DSCAML1: variants seen among roughly 807,000 people sequenced by gnomAD.
DSCAML1 encodes the protein DS cell adhesion molecule like 1.
DSCAML1 carries 38 observed loss-of-function variants against 200.5 expected under a neutral mutation model. That is an observed-to-expected ratio of 0.19 (90% confidence interval 0.15 to 0.25). DSCAML1 has a LOEUF of 0.25. Among genes scored for constraint, DSCAML1 ranks in the 10% least tolerant of loss-of-function variants. DSCAML1 has a pLI of 1.00. For synonymous variants in DSCAML1, 1,215 were observed against 1,165.0 expected, an observed-to-expected ratio of 1.04 and a Z score of -0.87; for missense variants, 2,223 against 2,858.8, an observed-to-expected ratio of 0.78 and a Z score of 5.07.
chr11:117,758,487 T>C (rs111398188), intron 3 of DSCAML1, among the ~76,000 whole-genome samples: 8,083 of 151,592 alleles, frequency 0.053, 265 homozygotes, highest in Non-Finnish European at 0.069. Context: ...CTGCAAGCTC[T>C]GCCTCCCGGG....
chr11:117,451,331 C>T (rs2048278540), intron 19 of DSCAML1, among the ~76,000 whole-genome samples: 1 of 152,184 alleles, frequency 6.6e-6, no homozygotes, highest in South Asian at 2.1e-4. Context: ...TGGAAGCTTC[C>T]TGCTCTCAGC....
Position 117,468,348 on chromosome 11 carries a change from A to T in DSCAML1, c.3024+1562T>A, listed in dbSNP as rs551133911. ...TGAGAAGTCAGCCCAAAATTTATTG[A>T]CCACCTGGTTCATTCTGAAGTTCTA... On this transcript the variant is annotated intron_variant, in intron 16 of 32. Transcript: ENST00000651296. 8.5e-5 allele frequency among the ~76,000 whole-genome samples: 13 copies of T among 152,162 alleles called. No individual in the cohort carries two copies. The East Asian group carries it at 2.5e-3, about 29-fold the overall frequency.
At chr11:117,581,271 G>A (rs1188988988) in intron 3 of DSCAML1, among the ~76,000 whole-genome samples, 4 of 152,152 alleles carry the variant, frequency 2.6e-5, no homozygotes, top group African/African-American at 9.7e-5. Context: ...ATGCATTAAG[G>A]CTTTTACATG....
intron 1 of DSCAML1, among the ~76,000 whole-genome samples, chr11:117,796,312 G>T (rs557984874): frequency 4.5e-4 from 68 of 152,358 alleles, no homozygotes; most frequent in South Asian, 1.2e-3. Flanking sequence ...CTGGCCAGGC[G>T]CGGAAGCGGA....
chr11:117,603,042 G>T (rs1306518113), intron 3 of DSCAML1, among the ~76,000 whole-genome samples: 2 of 152,170 alleles, frequency 1.3e-5, no homozygotes, highest in Non-Finnish European at 1.5e-5. Flanking sequence ...GTTGCAGTGA[G>T]CCATGATTGC....
intron 1 of DSCAML1, among the ~76,000 whole-genome samples, chr11:117,804,886 G>A (rs1254333585): frequency 6.6e-6 from 1 of 152,092 alleles, no homozygotes; most frequent in Non-Finnish European, 1.5e-5. Flanking sequence ...AGCTGTGATT[G>A]TACCACTGTG....
chr11:117,476,598 A>G (rs2048797811), intron 14 of DSCAML1, among the ~76,000 whole-genome samples: 1 of 152,192 alleles, frequency 6.6e-6, no homozygotes, highest in Non-Finnish European at 1.5e-5. Context: ...ATCCTCAAAG[A>G]ACCCATCCTT....
At chr11:117,509,611 T>G (rs866845805) in intron 8 of DSCAML1, among the ~76,000 whole-genome samples, 11 of 152,308 alleles carry the variant, frequency 7.2e-5, no homozygotes, top group African/African-American at 2.6e-4. Flanking sequence ...CCAGGGATCA[T>G]GGCTCCTCCA....
intron 3 of DSCAML1, among the ~76,000 whole-genome samples, chr11:117,750,242 C>T (rs74441507): frequency 0.012 from 1,865 of 152,336 alleles, 36 homozygotes; most frequent in African/African-American, 0.04. Flanking sequence ...AGCCTGCACG[C>T]TGCACACCCT....
rs61905269 is a variant in DSCAML1, at chr11:117,438,865, G to A, written c.4243+20C>T. 0.14 allele frequency: 217,308 copies of A among 1,529,344 alleles called. 16,999 individuals are homozygous for A. The highest frequency in any genetic ancestry group is 0.16 in the Non-Finnish European group (183,190 of 1,145,564). The allele number at this position is 1,529,344 out of a possible 1,614,324, so 94.7% of individuals were successfully genotyped here. ...AGAATTCCTTCCCCTATCTTCCCCC[G>A]CATCCAGACCCCTCCTCACCTCGGA... is the stretch of plus-strand genomic sequence containing the variant. On this transcript the variant is annotated intron_variant, in intron 24 of 32. Coordinates refer to ENST00000651296, the MANE Select transcript of DSCAML1 (RefSeq NM_020693.4).
chr11:117,795,874 T>TTGCC (rs1232947033), intron 1 of DSCAML1, among the ~76,000 whole-genome samples: 2 of 151,504 alleles, frequency 1.3e-5, no homozygotes, highest in Non-Finnish European at 2.9e-5. Context: ...GGGTTAAGAG[T>TTGCC]TGCCGCCCGG....
chr11:117,444,092 G>C (rs530177651), intron 20 of DSCAML1, 53 bp from the exon 21 acceptor site: 40 of 1,554,932 alleles, frequency 2.6e-5, no homozygotes, highest in Middle Eastern at 4.1e-4. Context: ...GCCCTCCAGC[G>C]TCCAAATCTT....
At chr11:117,587,131 C>T (rs566652633) in intron 3 of DSCAML1, among the ~76,000 whole-genome samples, 289 of 151,130 alleles carry the variant, frequency 1.9e-3, no homozygotes, top group African/African-American at 6.5e-3. Context: ...GCTGCCCCCT[C>T]AGAGATGGCT....
Position 117,505,008 on chromosome 11 carries a change from C to T in DSCAML1, c.2098G>A (p.Asp700Asn), listed in dbSNP as rs1329710243. 23 of 1,612,698 alleles carry T rather than the reference C, an allele frequency of 1.4e-5. No individual in the cohort carries two copies. The highest frequency in any genetic ancestry group is 1.7e-5 in the Non-Finnish European group (20 of 1,179,370). The change falls in exon 10 of 33, where the codon GAT becomes AAT. Residue 700 changes from aspartate (D) to asparagine (N), a missense_variant. By Grantham distance (23) the Asp-to-Asn change is conservative. This residue lies in a region of DSCAML1 where 212 missense variants were observed against 368.0 expected (regional missense o/e 0.58). Transcript: ENST00000651296. This position sits in a 1 kb window ranked among gnomAD's most constrained non-coding sequence, Gnocchi z 6.7. ...PRFVVQPNNQ[D>N]GIYGKAGVLN... ...ACACCAGCTTTGCCGTAGATGCCAT[C>T]CTGGTTGTTGGGTTGCACCACAAAT...
intron 3 of DSCAML1, among the ~76,000 whole-genome samples, chr11:117,740,501 C>T (rs1016018693): frequency 6.6e-6 from 1 of 152,168 alleles, no homozygotes; most frequent in Non-Finnish European, 1.5e-5. Flanking sequence ...CACCCTGTCT[C>T]ACACTGAAAG....
chr11:117,656,525 A>G (rs2052739213), intron 3 of DSCAML1, among the ~76,000 whole-genome samples: 1 of 149,774 alleles, frequency 6.7e-6, no homozygotes, highest in Non-Finnish European at 1.5e-5. Flanking sequence ...CTATCTATCT[A>G]TCTATCTATC....
intron 3 of DSCAML1, among the ~76,000 whole-genome samples, chr11:117,757,568 G>A (rs1461946109): frequency 8.6e-6 from 1 of 115,664 alleles, no homozygotes; most frequent in Non-Finnish European, 1.8e-5. Context: ...CCAATTAGGA[G>A]CCTATACACA....
chr11:117,596,362 A>G (rs1388913044), intron 3 of DSCAML1, among the ~76,000 whole-genome samples: 1 of 150,986 alleles, frequency 6.6e-6, no homozygotes, highest in Non-Finnish European at 1.5e-5. Flanking sequence ...TTTTCTGATC[A>G]GCCAGAACAT....
intron 3 of DSCAML1, among the ~76,000 whole-genome samples, chr11:117,752,922 C>T (rs529256956): frequency 2.0e-5 from 3 of 152,158 alleles, no homozygotes; most frequent in Non-Finnish European, 4.4e-5. Context: ...AAAAACGAGT[C>T]TCTAGGTCTG....
Sources: gnomAD v4.1 joint callset for allele counts (sites outside exome capture counted in the v4.1 genomes callset) on GRCh38, gnomAD v4.1.1 for gene constraint, gnomAD v4.1.1 regional missense constraint, Gnocchi (gnomAD v3.1) non-coding constraint, MANE v1.5 for transcripts, NCBI Gene and HGNC (gene_info 2026-07-23, HGNC 2026-07-21) for gene names.